Variants in TTC7B observed in about 807,000 individuals in gnomAD.
TTC7B encodes tetratricopeptide repeat domain 7B.
A neutral mutation model predicts 106.8 loss-of-function variants in TTC7B; 28 were observed. The observed-to-expected ratio is 0.26, with a 90% CI of 0.19 to 0.36. The LOEUF (loss-of-function observed/expected upper bound fraction) is 0.36. Among genes scored for constraint, TTC7B ranks in the 10% least tolerant of loss-of-function variants. The pLI, the probability that TTC7B is intolerant of heterozygous loss-of-function variation, is 1.00. For synonymous variants in TTC7B, 405 were observed against 430.6 expected (o/e 0.94, Z 0.74); for missense variants, 862 against 1,076.4 (o/e 0.80, Z 2.79).
chr14:90,589,713 G>A (rs1417390564), intron 18 of TTC7B, among the ~76,000 whole-genome samples: 2 of 152,142 alleles, frequency 1.3e-5, no homozygotes, highest in Non-Finnish European at 2.9e-5. Flanking sequence ...CCGACAGTGC[G>A]GTGAAAGCTG....
At chr14:90,550,080 G>A (rs1410793189) in intron 19 of TTC7B, among the ~76,000 whole-genome samples, 2 of 152,122 alleles carry the variant, frequency 1.3e-5, no homozygotes, top group Non-Finnish European at 2.9e-5. Context: ...CTGCCACAAG[G>A]TTTTTCTTTT....
chr14:90,594,807 A>G (rs1892134938), intron 17 of TTC7B, among the ~76,000 whole-genome samples: 1 of 152,228 alleles, frequency 6.6e-6, no homozygotes, highest in Non-Finnish European at 1.5e-5. Flanking sequence ...CCCATCATCT[A>G]TAAATTTAAA....
At chr14:90,643,874 C>T (rs777023026) in intron 15 of TTC7B, among the ~76,000 whole-genome samples, 174 bp downstream of exon 15, 15 of 152,086 alleles carry the variant, frequency 9.9e-5, no homozygotes, top group Admixed American at 6.6e-4. Context: ...TGAGCCACGG[C>T]GCCCAGCCCT....
At chr14:90,678,783 G>A (rs1210569355) in intron 8 of TTC7B, among the ~76,000 whole-genome samples, 4 of 152,198 alleles carry the variant, frequency 2.6e-5, no homozygotes, top group Non-Finnish European at 4.4e-5. Flanking sequence ...TCCACTTAGT[G>A]CAAGCATTTT....
chr14:90,731,173 G>A (rs1474226397), intron 4 of TTC7B, among the ~76,000 whole-genome samples: 8 of 151,862 alleles, frequency 5.3e-5, no homozygotes, highest in Non-Finnish European at 8.8e-5. Context: ...GGATGGTCTC[G>A]ATCTCCTGAC....
intron 4 of TTC7B, among the ~76,000 whole-genome samples, chr14:90,734,035 G>C (rs191482521): frequency 6.6e-6 from 1 of 152,242 alleles, no homozygotes; most frequent in East Asian, 1.9e-4. Context: ...TTACCTTTAA[G>C]TAGAAACAAA....
rs1433775095 is a variant in TTC7B, at chr14:90,816,328, C to G, written c.-33G>C. Reference sequence around the variant, plus strand: ...TGGCCGGGCCCGGCCGCCCGCCCCGCAGGCCCCACCGCCGCCGCCGCGGCG... The same window carrying G: ...TGGCCGGGCCCGGCCGCCCGCCCCGGAGGCCCCACCGCCGCCGCCGCGGCG... On this transcript the variant is annotated 5_prime_UTR_variant, in exon 1 of 20. Coordinates refer to ENST00000328459, the MANE Select transcript of TTC7B (RefSeq NM_001010854.2). The G allele has an allele frequency of 1.0e-6, 1 of 994,894 alleles. No homozygotes were observed. The highest frequency in any genetic ancestry group is 3.7e-5 in the South Asian group (1 of 26,912). The allele number at this position is 994,894 out of a possible 1,614,324, so 61.6% of individuals were successfully genotyped here.
intron 5 of TTC7B, among the ~76,000 whole-genome samples, chr14:90,695,906 T>G (rs1034950743): frequency 6.6e-6 from 1 of 152,116 alleles, no homozygotes; most frequent in Non-Finnish European, 1.5e-5. Context: ...CTGAAATCTA[T>G]ATTTTCATTT....
In TTC7B at chr14:90,676,971, C is replaced by T. The variant is rs556955196; in HGVS notation, c.1015-311G>A. Among the ~76,000 whole-genome samples the T allele has an allele frequency of 3.3e-5, 5 of 152,254 alleles. No individual in the cohort carries two copies. In the East Asian group the frequency reaches 9.6e-4, roughly 29 times the overall value. On this transcript the variant is annotated intron_variant, in intron 8 of 19. Coordinates refer to ENST00000328459, the MANE Select transcript of TTC7B (RefSeq NM_001010854.2). ...TTTTCCCTGGCCTCGGGTTCATAGC[C>T]AGCCTCATAGAAGACGCAGCTGCGC...
chr14:90,756,383 TG>T (rs1367191250), intron 3 of TTC7B, among the ~76,000 whole-genome samples: 7 of 28,072 alleles, frequency 2.5e-4, no homozygotes, highest in African/African-American at 6.3e-4. Flanking sequence ...TTTTTTTTTT[TG>T]TTTTTTTTTT....
chr14:90,636,531 A>G (rs1387627488), intron 15 of TTC7B, among the ~76,000 whole-genome samples: 3 of 151,974 alleles, frequency 2.0e-5, no homozygotes, highest in African/African-American at 7.2e-5. Context: ...TAAAAACAAA[A>G]AAGCTCTGAT....
At chr14:90,783,872 G>A (rs1187808383) in intron 2 of TTC7B, among the ~76,000 whole-genome samples, 2 of 152,046 alleles carry the variant, frequency 1.3e-5, no homozygotes, top group Admixed American at 1.3e-4. Flanking sequence ...GGGAGGTGGA[G>A]GTTGCAGTGA....
rs1884018018 is a variant in TTC7B, at chr14:90,753,242, G to GGACA, written c.446-8324_446-8321dup. ...ACCACATCTCTGGAAGCCAGGCCTG[G>GGACA]GACAGGTACACCCTGATGCTTTGCC... On this transcript the variant is annotated intron_variant, in intron 3 of 19. Coordinates refer to ENST00000328459, the MANE Select transcript of TTC7B (RefSeq NM_001010854.2). 2.6e-5 allele frequency among the ~76,000 whole-genome samples: 4 copies of GGACA among 152,198 alleles called. No homozygotes were observed. In the South Asian group the frequency reaches 8.3e-4, roughly 32 times the overall value.
At chr14:90,559,908 C>T (rs1222043725) in intron 19 of TTC7B, among the ~76,000 whole-genome samples, 4 of 152,220 alleles carry the variant, frequency 2.6e-5, no homozygotes, top group Admixed American at 6.5e-5. Context: ...TCTTTTGCTC[C>T]ACAACGCGCG....
chr14:90,644,459 C>A (rs1885347589), intron 14 of TTC7B, among the ~76,000 whole-genome samples: 1 of 152,068 alleles, frequency 6.6e-6, no homozygotes, highest in Non-Finnish European at 1.5e-5. Context: ...TACAGGAGAC[C>A]CTGTTTCTCT....
At chr14:90,727,228 C>A (rs1318664112) in intron 5 of TTC7B, among the ~76,000 whole-genome samples, 1 of 152,128 alleles carries the variant, frequency 6.6e-6, no homozygotes, top group African/African-American at 2.4e-5. Context: ...GATGTCCTGT[C>A]CGGGGTCAAG....
chr14:90,646,459 A>AC (rs1266729384), intron 14 of TTC7B, among the ~76,000 whole-genome samples: 1 of 152,188 alleles, frequency 6.6e-6, no homozygotes, highest in East Asian at 1.9e-4. Context: ...ACGGTGTGTA[A>AC]CTGTTCATGT....
At chr14:90,758,403 G>A in intron 3 of TTC7B, among the ~76,000 whole-genome samples, 1 of 132,444 alleles carries the variant, frequency 7.6e-6, no homozygotes, top group South Asian at 2.6e-4. Context: ...AGAGTGGGGC[G>A]GGGCGGGGTC....
chr14:90,574,176 C>T (rs774864947), intron 19 of TTC7B, among the ~76,000 whole-genome samples: 8 of 152,328 alleles, frequency 5.3e-5, no homozygotes, highest in East Asian at 1.9e-4. Context: ...GAAAAAGTTG[C>T]TCTATGTTTC....
Sources: gnomAD v4.1 joint callset for allele counts (sites outside exome capture counted in the v4.1 genomes callset) on GRCh38, gnomAD v4.1.1 for gene constraint, MANE v1.5 for transcripts, NCBI Gene and HGNC (gene_info 2026-07-23, HGNC 2026-07-21) for gene names.